DNAI2: variants seen among roughly 807,000 people sequenced by gnomAD.
The protein encoded by DNAI2 is dynein, axonemal, intermediate polypeptide 2.
DNAI2 carries 63 observed loss-of-function variants against 74.7 expected under a neutral mutation model. The observed-to-expected ratio is 0.84, with a 90% CI of 0.69 to 1.04. DNAI2 has a LOEUF of 1.04. DNAI2 is among the 50% of genes least tolerant of loss of function. DNAI2 has a pLI of 0.00. For synonymous variants in DNAI2, 289 were observed against 314.9 expected, an observed-to-expected ratio of 0.92 and a Z score of 0.87; for missense variants, 688 against 803.2, an observed-to-expected ratio of 0.86 and a Z score of 1.73.
intron 9 of DNAI2, among the ~76,000 whole-genome samples, chr17:74,305,741 G>A (rs1431826623): frequency 2.1e-5 from 3 of 142,284 alleles, no homozygotes; most frequent in Non-Finnish European, 3.0e-5. Flanking sequence ...GCGTGATCTC[G>A]GCTCACTGCA....
rs57143936 is a variant in DNAI2 at position 74,295,233 on chromosome 17, T to TAAAA, written c.724+4116_724+4119dup. Among the ~76,000 whole-genome samples, 52 of 112,350 alleles carry TAAAA rather than the reference T, an allele frequency of 4.6e-4. 1 individual carries two copies. Among genetic ancestry groups the TAAAA allele is most frequent in the South Asian group, 1.3e-3 (4 of 2,988 alleles). 73.7% of individuals were successfully genotyped at this position (112,350 alleles called of 152,430 possible). ...AACATGGTCAAACCCCATCTCTACT[T>TAAAA]AAAAAAAAAAAAAAAAAAATCAGCC... On this transcript the variant is annotated intron_variant, in intron 6 of 13. Coordinates refer to ENST00000311014, the MANE Select transcript of DNAI2 (RefSeq NM_023036.6).
At position 74,280,728 on chromosome 17, in the gene DNAI2, A is replaced by C. The variant is rs547555929; in HGVS notation, c.-11-1079A>C. On this transcript the variant is annotated intron_variant, in intron 1 of 13. Transcript: ENST00000311014. Reference sequence around the variant, plus strand: ...GTGTTTCATGCCCAGCATGGCAGGGAATTTAGTCCAACATCATCACCATCA... The same window carrying C: ...GTGTTTCATGCCCAGCATGGCAGGGCATTTAGTCCAACATCATCACCATCA... 1.9e-4 allele frequency among the ~76,000 whole-genome samples: 29 copies of C among 152,206 alleles called. No homozygotes were observed. In the South Asian group the frequency reaches 5.8e-3, roughly 30 times the overall value.
intron 12 of DNAI2, among the ~76,000 whole-genome samples, chr17:74,313,464 C>G (rs1277863324): frequency 6.6e-6 from 1 of 152,214 alleles, no homozygotes; most frequent in Non-Finnish European, 1.5e-5. Context: ...GCTCCTCCCA[C>G]TCACCACTCC....
chr17:74,305,275 G>A lies in DNAI2; in HGVS notation c.1044G>A (p.Lys348=), dbSNP rs775726145. 5.9e-5 allele frequency: 96 copies of A among 1,614,114 alleles called. No individual in the cohort carries two copies. Among genetic ancestry groups the A allele is most frequent in the Non-Finnish European group, 7.3e-5 (86 of 1,180,052 alleles). The change falls in exon 9 of 14, where the codon AAG becomes AAA. Residue 348 remains lysine, a synonymous_variant. Coordinates refer to ENST00000311014, the MANE Select transcript of DNAI2 (RefSeq NM_023036.6). ...GCATCGTCATCTCCTGCAACCGCAA[G>A]GCCAAGACGTCAGCTGAAAAGATTG... is the stretch of plus-strand genomic sequence containing the variant. ...EQGIVISCNR[K]AKTSAEKIVC...
chr17:74,285,094 G>T lies in DNAI2; in HGVS notation c.238G>T (p.Gly80Cys). Residue 80 changes from glycine (G) to cysteine (C), a missense_variant, in exon 3 of 14, where the codon GGC becomes TGC. Transcript: ENST00000311014. The stretch of plus-strand genomic sequence containing the variant: ...CCGGGGAGTTAACCATGTCGAGGGG[G>T]GCTGGCCCAAGGACGTGAACCCCCT... ...ETRGVNHVEG[G>C]WPKDVNPLEL... is the part of the protein sequence containing the mutation. 3 of 1,614,206 alleles carry T rather than the reference G, an allele frequency of 1.9e-6. No homozygotes were observed. In the South Asian group the frequency reaches 3.3e-5, roughly 18 times the overall value.
intron 8 of DNAI2, 120 bp from the exon 9 acceptor site, chr17:74,305,099 G>T (rs576545577): frequency 1.2e-5 from 12 of 1,017,090 alleles, no homozygotes; most frequent in East Asian, 2.6e-5. Context: ...CCTTGCCAAG[G>T]CTTGATCTGA....
At chr17:74,313,880 G>C (rs2053674833) in intron 12 of DNAI2, 2 of 542,576 alleles carry the variant, frequency 3.7e-6, no homozygotes, top group South Asian at 2.0e-5. Flanking sequence ...AGGCCTCCCA[G>C]TCTGCATGTG....
intron 2 of DNAI2, among the ~76,000 whole-genome samples, chr17:74,284,138 C>T (rs1056793708): frequency 2.8e-5 from 2 of 72,364 alleles, no homozygotes; most frequent in African/African-American, 9.1e-5. Flanking sequence ...AACTCCTTTT[C>T]AAAAAAAAAA....
rs1448018393 is a variant in DNAI2, at chr17:74,309,355, G to A, written c.1314G>A (p.Met438Ile). 3.7e-6 allele frequency: 6 copies of A among 1,614,058 alleles called. No individual in the cohort carries two copies. In the South Asian group the frequency reaches 5.5e-5, roughly 15 times the overall value. The change falls in exon 10 of 14, where the codon ATG becomes ATA. Residue 438 changes from methionine (M) to isoleucine (I), a missense_variant. Physicochemically the swap from Met to Ile is conservative, Grantham distance 10. Transcript: ENST00000311014. ...GAACCCTGGATATCTGGGACTTCAT[G>A]TTCGAGCAGTGCGATCCCACCCTCA... is the stretch of plus-strand genomic sequence containing the variant. ...MDGTLDIWDF[M>I]FEQCDPTLSL...
At chr17:74,282,703 C>T (rs2051466014) in intron 2 of DNAI2, among the ~76,000 whole-genome samples, 1 of 152,334 alleles carries the variant, frequency 6.6e-6, no homozygotes, top group South Asian at 2.1e-4. Flanking sequence ...GAGGGGCCTC[C>T]ACGATAAGAG....
chr17:74,299,719 C>G lies in DNAI2; in HGVS notation c.726C>G (p.Ala242=). 1 of 1,613,570 alleles carries G rather than the reference C, an allele frequency of 6.2e-7. No homozygotes were observed. Among genetic ancestry groups the G allele is most frequent in the Middle Eastern group, 1.6e-4 (1 of 6,062 alleles). The change falls in exon 7 of 14, where the codon GCC becomes GCG. Residue 242 remains alanine, a splice_region_variant and synonymous_variant. Coordinates refer to ENST00000311014, the MANE Select transcript of DNAI2 (RefSeq NM_023036.6). ...CTTCTTCATCTCCTTCCTCACCAGC[C>G]TGCTGGGACACCCGAAAGGGCAGCC... ...LLGGCYNGQI[A]CWDTRKGSLV... is the part of the protein sequence containing the mutation.
chr17:74,281,645 TAATGCGGA>T (rs1411277094), intron 1 of DNAI2, 154 bp from the exon 2 acceptor site: 4 of 655,748 alleles, frequency 6.1e-6, no homozygotes, highest in Admixed American at 2.7e-5. Context: ...GATTTTTTTT[TAATGCGGA>T]TGCAGCTTCT....
Position 74,291,067 on chromosome 17 carries a change from G to A in DNAI2, c.658G>A (p.Val220Met), listed in dbSNP as rs376885226. The part of the protein sequence containing the change: ...ELALKPSSPL[V>M]TLEFNPKDSH... ...TGCTCTGAAGCCATCGTCTCCACTC[G>A]TGACGTTGGAGTTCAACCCCAAAGA... is the stretch of plus-strand genomic sequence containing the variant. The change falls in exon 6 of 14, where the codon GTG (valine) becomes ATG (methionine). Residue 220 changes from valine (V) to methionine (M), a missense_variant. Physicochemically the swap from Val to Met is conservative, Grantham distance 21 (BLOSUM62 1). Coordinates refer to ENST00000311014, the MANE Select transcript of DNAI2 (RefSeq NM_023036.6). 26 of 1,614,040 alleles carry A rather than the reference G, an allele frequency of 1.6e-5. No individual in the cohort carries two copies. The African/African-American group carries it at 2.7e-4, about 17-fold the overall frequency.
At chr17:74,282,796 G>C (rs2051471734) in intron 2 of DNAI2, among the ~76,000 whole-genome samples, 1 of 152,194 alleles carries the variant, frequency 6.6e-6, no homozygotes, top group Non-Finnish European at 1.5e-5. Flanking sequence ...CCCTAATTAG[G>C]TCAACAACTG....
intron 9 of DNAI2, among the ~76,000 whole-genome samples, chr17:74,306,000 C>A (rs1242711238): frequency 6.6e-6 from 1 of 152,116 alleles, no homozygotes; most frequent in African/African-American, 2.4e-5. Flanking sequence ...CTCAAACTAT[C>A]CCCAGGAGGA....
Position 74,291,099 on chromosome 17 carries a change from C to T in DNAI2, c.690C>T (p.His230=), listed in dbSNP as rs1357983198. 7 of 1,614,006 alleles carry T rather than the reference C, an allele frequency of 4.3e-6. No homozygotes were observed. The highest frequency in any genetic ancestry group is 4.0e-5 in the African/African-American group (3 of 74,922). The change falls in exon 6 of 14, where the codon CAC becomes CAT. Residue 230 remains histidine (H), a synonymous_variant. Coordinates refer to ENST00000311014, the MANE Select transcript of DNAI2 (RefSeq NM_023036.6). ...TGGAGTTCAACCCCAAAGATTCCCA[C>T]GTACTCCTGGGTGGCTGCTACAATG... The part of the protein sequence containing the change: ...VTLEFNPKDS[H]VLLGGCYNGQ...
At chr17:74,297,133 T>C (rs979872913) in intron 6 of DNAI2, among the ~76,000 whole-genome samples, 4 of 152,210 alleles carry the variant, frequency 2.6e-5, no homozygotes, top group Non-Finnish European at 4.4e-5. Context: ...TCACCTAGGC[T>C]GGAGTGCAAT....
intron 2 of DNAI2, 142 bp from the exon 3 acceptor site, chr17:74,284,898 T>C: frequency 9.4e-7 from 1 of 1,068,032 alleles, no homozygotes; most frequent in South Asian, 1.3e-5. Context: ...TTTCCTTGCC[T>C]GCATTTGAAA....
At chr17:74,286,475 C>A (rs1050309514) in intron 3 of DNAI2, among the ~76,000 whole-genome samples, 1 of 151,974 alleles carries the variant, frequency 6.6e-6, no homozygotes, top group African/African-American at 2.4e-5. Context: ...GGCTTGAGTG[C>A]AGTGGCGTGA....
Sources: allele counts gnomAD v4.1 joint callset (sites outside exome capture counted in the v4.1 genomes callset), GRCh38; gene constraint gnomAD v4.1.1; transcripts MANE v1.5; gene names NCBI Gene and HGNC (gene_info 2026-07-23, HGNC 2026-07-21).